PRKCE: variants seen among roughly 807,000 people sequenced by gnomAD.
The protein encoded by PRKCE is protein kinase C epsilon type.
A neutral mutation model predicts 85.4 loss-of-function variants in PRKCE; 16 were observed. The ratio of observed to expected loss-of-function variants is 0.19; its 90% CI spans 0.13 to 0.28. The LOEUF (loss-of-function observed/expected upper bound fraction) is 0.28. Ranked by LOEUF, PRKCE falls within the 10% of genes least tolerant of loss-of-function variation. The pLI is 1.00. For synonymous variants in PRKCE, 388 were observed against 371.5 expected (o/e 1.04, Z -0.51); for missense variants, 573 against 975.2 (o/e 0.59, Z 5.49).
rs1685588095 is a variant in PRKCE, at chr2:45,774,408, C to T, written c.349-68592C>T. ...AACCCAGGATGAGGCAGAGTCCCGT[C>T]AGAGGCCTGTACAGGCAAACTCAGC... On this transcript the variant is annotated intron_variant, in intron 1 of 14. Coordinates refer to ENST00000306156, the MANE Select transcript of PRKCE (RefSeq NM_005400.3). This position sits in a 1 kb window ranked among gnomAD's most constrained non-coding sequence, Gnocchi z 4.3. 6.6e-6 allele frequency among the ~76,000 whole-genome samples: 1 copy of T among 152,204 alleles called. No individual in the cohort carries two copies. The highest frequency in any genetic ancestry group is 2.4e-5 in the African/African-American group (1 of 41,442).
chr2:45,796,174 T>C (rs1305500193), intron 1 of PRKCE, among the ~76,000 whole-genome samples: 1 of 152,200 alleles, frequency 6.6e-6, no homozygotes, highest in Non-Finnish European at 1.5e-5. Flanking sequence ...TTCCCATGCC[T>C]GCCCCAGTTA....
At chr2:45,771,411 C>T (rs1168920798) in intron 1 of PRKCE, among the ~76,000 whole-genome samples, 2 of 152,106 alleles carry the variant, frequency 1.3e-5, no homozygotes, top group East Asian at 1.9e-4. Flanking sequence ...CTCCCTGGCG[C>T]GGCCACCTCC....
rs139038746 is a variant in PRKCE, at chr2:45,670,472, A to G, written c.348+18024A>G. Among the ~76,000 whole-genome samples, 132 of 152,328 alleles carry G rather than the reference A, an allele frequency of 8.7e-4. 1 individual carries two copies. Among genetic ancestry groups the G allele is most frequent in the African/African-American group, 2.9e-3 (121 of 41,572 alleles). ...ACATTATCAGAATGCTTTGTATGCAATATGAATAAATATTGCCTTATAAAA... is the reference window on the plus strand; with the variant it reads ...ACATTATCAGAATGCTTTGTATGCAGTATGAATAAATATTGCCTTATAAAA... On this transcript the variant is annotated intron_variant, in intron 1 of 14. Transcript: ENST00000306156.
At chr2:45,856,044 C>A (rs1692643794) in intron 2 of PRKCE, among the ~76,000 whole-genome samples, 1 of 151,940 alleles carries the variant, frequency 6.6e-6, no homozygotes, top group Admixed American at 6.5e-5. Context: ...AGATGGAATC[C>A]TAAGCCTTTC....
chr2:46,001,252 C>CAT lies in PRKCE; in HGVS notation c.824-133_824-132dup, dbSNP rs35088567. ...GATTTTGGTTTTGTATGATGGAAGACATATATATATATATATATATTTCTG... is the reference window on the plus strand; with the variant it reads ...GATTTTGGTTTTGTATGATGGAAGACATATATATATATATATATATATTTCTG... On this transcript the variant is annotated intron_variant, in intron 6 of 14. Transcript: ENST00000306156. The surrounding 1 kb of genome is among the most constrained non-coding windows in gnomAD (Gnocchi z 4.4). The CAT allele has an allele frequency of 0.18, 65,147 of 360,958 alleles. 5,036 individuals are homozygous for CAT. Among genetic ancestry groups the CAT allele is most frequent in the African/African-American group, 0.41 (17,740 of 43,252 alleles). 22.4% of individuals were successfully genotyped at this position (360,958 alleles called of 1,614,324 possible). A position where few individuals can be genotyped will look rare whatever the true frequency, so the allele number is the denominator to read the frequency against.
chr2:45,730,042 G>C (rs1289520240), intron 1 of PRKCE, among the ~76,000 whole-genome samples: 1 of 152,170 alleles, frequency 6.6e-6, no homozygotes, highest in Non-Finnish European at 1.5e-5. Flanking sequence ...GTTAACCTTG[G>C]ATTTGAAAAG....
upstream of PRKCE, chr2:45,651,504 A>G (rs1182602720): frequency 2.0e-5 from 3 of 151,886 alleles, no homozygotes; most frequent in African/African-American, 7.3e-5. Flanking sequence ...GAGGAGGACC[A>G]TTTCCTCTCG....
chr2:45,652,445 C>G lies in PRKCE; in HGVS notation c.345C>G (p.Asp115Glu), dbSNP rs764979167. Reference sequence around the variant, plus strand: ...AGAACGGGAGCCGCCACTTCGAGGACTGGGTGAGTGCGGCGCCTCCCCGTC... The same window carrying G: ...AGAACGGGAGCCGCCACTTCGAGGAGTGGGTGAGTGCGGCGCCTCCCCGTC... ...LLQNGSRHFE[D>E]WIDLEPEGRV... The change falls in exon 1 of 15, where the codon GAC becomes GAG. Residue 115 changes from aspartate (D) to glutamate (E), a missense_variant. This residue lies in a region of PRKCE where 100 missense variants were observed against 177.1 expected (regional missense o/e 0.56). Coordinates refer to ENST00000306156, the MANE Select transcript of PRKCE (RefSeq NM_005400.3). This position sits in a 1 kb window ranked among gnomAD's most constrained non-coding sequence, Gnocchi z 7.7. 1 of 1,606,520 alleles carries G rather than the reference C, an allele frequency of 6.2e-7. No individual in the cohort carries two copies. The highest frequency in any genetic ancestry group is 1.1e-5 in the South Asian group (1 of 90,844).
At chr2:45,890,462 G>A (rs1017504105) in intron 2 of PRKCE, among the ~76,000 whole-genome samples, 4 of 151,048 alleles carry the variant, frequency 2.6e-5, no homozygotes, top group African/African-American at 4.9e-5. Context: ...TCACTGCAAC[G>A]GTCACCTCCC....
intron 2 of PRKCE, among the ~76,000 whole-genome samples, chr2:45,850,827 C>G (rs1203591402): frequency 1.3e-5 from 2 of 152,128 alleles, no homozygotes; most frequent in Admixed American, 6.5e-5. Flanking sequence ...TCTGAATCAC[C>G]TATTCTGTCT....
intron 6 of PRKCE, among the ~76,000 whole-genome samples, chr2:45,996,433 T>A (rs1704223369): frequency 6.6e-6 from 1 of 152,164 alleles, no homozygotes; most frequent in South Asian, 2.1e-4. Context: ...GCATCCTTTT[T>A]GTGTTCCTGA....
chr2:46,022,162 C>A (rs143519948), intron 10 of PRKCE, among the ~76,000 whole-genome samples: 19 of 152,294 alleles, frequency 1.2e-4, no homozygotes, highest in Non-Finnish European at 2.4e-4. Context: ...CACCACGAGT[C>A]AAGAAACTGC....
chr2:46,104,571 TA>T (rs1671543404), intron 11 of PRKCE, among the ~76,000 whole-genome samples: 1 of 152,250 alleles, frequency 6.6e-6, no homozygotes, highest in South Asian at 2.1e-4. Context: ...CAATGAGCCT[TA>T]AAGGTCTTTA....
intron 2 of PRKCE, among the ~76,000 whole-genome samples, chr2:45,869,839 C>T (rs1202894000): frequency 6.6e-6 from 1 of 151,546 alleles, no homozygotes; most frequent in Non-Finnish European, 1.5e-5. Context: ...TCCCGAGTAG[C>T]TGGGACTACA....
At chr2:45,975,142 C>T (rs895562421) in intron 2 of PRKCE, among the ~76,000 whole-genome samples, 20 of 152,244 alleles carry the variant, frequency 1.3e-4, no homozygotes, top group African/African-American at 3.9e-4. Flanking sequence ...CTCTATTCTT[C>T]GCTTTGCATA....
At chr2:46,128,775 G>A (rs1206099569) in intron 11 of PRKCE, among the ~76,000 whole-genome samples, 2 of 152,202 alleles carry the variant, frequency 1.3e-5, no homozygotes, top group Non-Finnish European at 2.9e-5. Flanking sequence ...AGTCAGGGCT[G>A]GATAACCACA....
At chr2:46,061,723 G>C (rs1667139063) in intron 10 of PRKCE, among the ~76,000 whole-genome samples, 1 of 152,172 alleles carries the variant, frequency 6.6e-6, no homozygotes, top group African/African-American at 2.4e-5. Context: ...GTTCCTGGGA[G>C]AAATCAGGAC....
intron 1 of PRKCE, among the ~76,000 whole-genome samples, chr2:45,668,548 A>T (rs1038825236): frequency 3.3e-5 from 5 of 152,116 alleles, no homozygotes; most frequent in African/African-American, 1.2e-4. Flanking sequence ...AATGAGTTAC[A>T]TAGGAAATGG....
intron 10 of PRKCE, among the ~76,000 whole-genome samples, chr2:46,051,729 A>G (rs1044249814): frequency 5.9e-5 from 9 of 152,184 alleles, no homozygotes; most frequent in African/African-American, 9.7e-5. Flanking sequence ...CAATGATGCT[A>G]TATTAGTCTG....
Sources: allele counts gnomAD v4.1 joint callset (sites outside exome capture counted in the v4.1 genomes callset), GRCh38; gene constraint gnomAD v4.1.1; regional missense constraint gnomAD v4.1.1; non-coding constraint Gnocchi (gnomAD v3.1); transcripts MANE v1.5; gene names NCBI Gene and HGNC (gene_info 2026-07-23, HGNC 2026-07-21).